CNTN5: variants seen among roughly 807,000 people sequenced by gnomAD.
CNTN5 encodes contactin 5.
A neutral mutation model predicts 129.1 loss-of-function variants in CNTN5; 77 were observed. The ratio of observed to expected loss-of-function variants is 0.60; its 90% confidence interval spans 0.50 to 0.72. CNTN5 has a LOEUF of 0.72. Among genes scored for constraint, CNTN5 ranks in the 30% least tolerant of loss-of-function variants. The probability of loss-of-function intolerance (pLI) is 0.00; values close to 1 mark genes in which losing one functional copy is unlikely to be tolerated. For missense variants in CNTN5, 1,478 were observed against 1,328.8 expected, an observed-to-expected ratio of 1.11 and a Z score of -1.75; for synonymous variants, 509 against 465.6, an observed-to-expected ratio of 1.09 and a Z score of -1.20.
intron 2 of CNTN5, among the ~76,000 whole-genome samples, chr11:99,420,127 C>T (rs1301550798): frequency 2.0e-5 from 3 of 151,944 alleles, no homozygotes; most frequent in Non-Finnish European, 4.4e-5. Context: ...TTATAAATTC[C>T]CCGGATACAA....
chr11:99,764,932 C>T (rs905881399), intron 3 of CNTN5, among the ~76,000 whole-genome samples: 6 of 151,946 alleles, frequency 3.9e-5, no homozygotes, highest in Non-Finnish European at 5.9e-5. Flanking sequence ...TATAATTTTC[C>T]GTATCTCTGT....
chr11:99,730,883 A>T (rs1308002954), intron 3 of CNTN5, among the ~76,000 whole-genome samples: 2 of 152,138 alleles, frequency 1.3e-5, no homozygotes, highest in African/African-American at 4.8e-5. Flanking sequence ...AGAACACTAG[A>T]TCCTATTCCT....
At chr11:99,876,553 C>A (rs1345736249) in intron 6 of CNTN5, among the ~76,000 whole-genome samples, 2 of 152,146 alleles carry the variant, frequency 1.3e-5, no homozygotes, top group Non-Finnish European at 2.9e-5. Context: ...GGTCTGAATA[C>A]ATGTACATTT....
chr11:100,074,438 T>G (rs1448461051), intron 13 of CNTN5, 144 bp downstream of exon 13: 1 of 717,278 alleles, frequency 1.4e-6, no homozygotes, highest in Non-Finnish European at 2.2e-6. Flanking sequence ...GCCTATATAG[T>G]GATTTTAAAA....
intron 6 of CNTN5, among the ~76,000 whole-genome samples, chr11:99,900,113 A>T (rs1949315671): frequency 6.7e-6 from 1 of 150,098 alleles, no homozygotes; most frequent in East Asian, 1.9e-4. Context: ...TTTTTTTCTT[A>T]GCCCAACTAG....
chr11:99,398,794 G>C (rs2136205735), intron 2 of CNTN5, among the ~76,000 whole-genome samples: 1 of 151,910 alleles, frequency 6.6e-6, no homozygotes, highest in South Asian at 2.1e-4. Flanking sequence ...TGGCGATTAT[G>C]AATAAAGCTA....
chr11:99,888,337 T>C (rs190598732), intron 6 of CNTN5, among the ~76,000 whole-genome samples: 6 of 152,314 alleles, frequency 3.9e-5, no homozygotes, highest in Admixed American at 3.3e-4. Flanking sequence ...ATGATAAGCA[T>C]ATGTGACCTG....
intron 16 of CNTN5, among the ~76,000 whole-genome samples, chr11:100,229,544 A>C (rs1356671096): frequency 6.6e-6 from 1 of 152,234 alleles, no homozygotes; most frequent in Non-Finnish European, 1.5e-5. Context: ...CTCACTAGCA[A>C]GAGAGAAAAG....
At chr11:99,362,771 G>A (rs1183065178) in intron 2 of CNTN5, among the ~76,000 whole-genome samples, 2 of 151,662 alleles carry the variant, frequency 1.3e-5, no homozygotes, top group Non-Finnish European at 2.9e-5. Context: ...ACCATTTATT[G>A]AAAAGACTGT....
chr11:100,068,974 T>C (rs1333671874), intron 10 of CNTN5, among the ~76,000 whole-genome samples: 3 of 152,156 alleles, frequency 2.0e-5, no homozygotes, highest in African/African-American at 7.2e-5. Context: ...GGATGAATGT[T>C]ACAGGGATTA....
At chr11:99,661,992 A>C (rs766063025) in intron 3 of CNTN5, among the ~76,000 whole-genome samples, 1 of 152,150 alleles carries the variant, frequency 6.6e-6, no homozygotes, top group Non-Finnish European at 1.5e-5. Flanking sequence ...TTGTGTTTAC[A>C]TGGTTTTTTT....
At position 99,555,350 on chromosome 11, in the gene CNTN5, A is replaced by G. The variant is rs184621157; in HGVS notation, c.-70-795A>G. On this transcript the variant is annotated intron_variant, in intron 2 of 24. Coordinates refer to ENST00000524871, the MANE Select transcript of CNTN5 (RefSeq NM_014361.4). ...GCTGACACGTGAAAATTCTGGAGGTACTTGTGGATTACAGAAACTTCCAAT... is the reference window on the plus strand; with the variant it reads ...GCTGACACGTGAAAATTCTGGAGGTGCTTGTGGATTACAGAAACTTCCAAT... Among the ~76,000 whole-genome samples the G allele has an allele frequency of 1.1e-3, 165 of 152,154 alleles. 2 individuals are homozygous for G. Among genetic ancestry groups the G allele is most frequent in the African/African-American group, 3.7e-3 (155 of 41,562 alleles).
At chr11:100,132,360 C>T (rs1306208455) in intron 13 of CNTN5, among the ~76,000 whole-genome samples, 1 of 152,008 alleles carries the variant, frequency 6.6e-6, no homozygotes, top group Non-Finnish European at 1.5e-5. Flanking sequence ...TAGAGCCTGC[C>T]TGGCACATAC....
intron 13 of CNTN5, among the ~76,000 whole-genome samples, chr11:100,089,658 T>C (rs914999475): frequency 2.6e-5 from 4 of 152,138 alleles, no homozygotes; most frequent in African/African-American, 4.8e-5. Flanking sequence ...ATGCCCTTCA[T>C]TGATAGACTG....
chr11:99,362,381 A>G (rs1237825062), intron 2 of CNTN5, among the ~76,000 whole-genome samples: 1 of 151,946 alleles, frequency 6.6e-6, no homozygotes, highest in African/African-American at 2.4e-5. Flanking sequence ...CTAGATAAAA[A>G]TTCCTTATGA....
chr11:99,728,678 G>A (rs533954854), intron 3 of CNTN5, among the ~76,000 whole-genome samples: 22 of 152,308 alleles, frequency 1.4e-4, no homozygotes, highest in Non-Finnish European at 2.9e-4. Context: ...AAGGGTAGAT[G>A]AGACAGTTCA....
In CNTN5 at chr11:100,356,162, C is replaced by T. The variant is rs757969047; in HGVS notation, c.3245C>T (p.Thr1082Ile). 1.9e-6 allele frequency: 3 copies of T among 1,610,672 alleles called. No homozygotes were observed. Among genetic ancestry groups the T allele is most frequent in the Middle Eastern group, 1.7e-4 (1 of 6,050 alleles). The change falls in exon 25 of 25, where the codon ACA becomes ATA. Residue 1082 changes from threonine to isoleucine, a missense_variant. Coordinates refer to ENST00000524871, the MANE Select transcript of CNTN5 (RefSeq NM_014361.4). ...CAGTCGACCCTTCACTCTCTCTCCA[C>T]ATCTTCGTCATCAGTCACCTTGCTC... is the stretch of plus-strand genomic sequence containing the variant. ...SAQSTLHSLSTSSSSVTLLLA... is the reference protein window; with the variant it reads ...SAQSTLHSLSISSSSVTLLLA...
intron 3 of CNTN5, among the ~76,000 whole-genome samples, chr11:99,620,586 C>T (rs1407674116): frequency 1.4e-5 from 2 of 145,418 alleles, no homozygotes; most frequent in Non-Finnish European, 3.0e-5. Context: ...AAATAGTTAA[C>T]TGCATGCCTG....
At chr11:99,504,316 G>C (rs930221798) in intron 2 of CNTN5, among the ~76,000 whole-genome samples, 1 of 152,098 alleles carries the variant, frequency 6.6e-6, no homozygotes, top group Non-Finnish European at 1.5e-5. Flanking sequence ...GCTGAGGTGG[G>C]CACATCATGA....
Sources: allele counts gnomAD v4.1 joint callset (sites outside exome capture counted in the v4.1 genomes callset), GRCh38; gene constraint gnomAD v4.1.1; transcripts MANE v1.5; gene names NCBI Gene and HGNC (gene_info 2026-07-23, HGNC 2026-07-21).